The following DCDC2 variants were observed in gnomAD, a reference collection of about 807,000 sequenced individuals.
DCDC2 encodes doublecortin domain containing 2, also known as doublecortin domain-containing protein 2.
Under a neutral mutation model 50.2 loss-of-function variants are expected in DCDC2, and 40 were observed. That is an observed-to-expected ratio of 0.80 (90% CI 0.62 to 1.04). The LOEUF (loss-of-function observed/expected upper bound fraction) is 1.04. DCDC2 is among the 50% of genes least tolerant of loss of function. The pLI, the probability that DCDC2 is intolerant of heterozygous loss-of-function variation, is 0.00. For missense variants in DCDC2, 570 were observed against 581.9 expected (o/e 0.98, Z 0.21); for synonymous variants, 234 against 210.6 (o/e 1.11, Z -0.96).
intron 8 of DCDC2, among the ~76,000 whole-genome samples, chr6:24,183,904 T>C (rs980806643): frequency 1.3e-5 from 2 of 152,226 alleles, no homozygotes; most frequent in African/African-American, 4.8e-5. Context: ...TCTACAACTC[T>C]GTGTCTACAG....
chr6:24,327,478 T>TGA (rs750042668), intron 2 of DCDC2, among the ~76,000 whole-genome samples: 7,650 of 145,418 alleles, frequency 0.053, 604 homozygotes, highest in Non-Finnish European at 0.064. Flanking sequence ...ATTTATTTAT[T>TGA]TATTTATTGG....
chr6:24,372,784 G>T, the DCDC2 span, among the ~76,000 whole-genome samples: 1 of 152,000 alleles, frequency 6.6e-6, no homozygotes, highest in African/African-American at 2.4e-5. Context: ...GGAGAGGGGG[G>T]AGGGATAGCA....
chr6:24,311,541 T>A (rs1253690407), intron 2 of DCDC2, among the ~76,000 whole-genome samples: 1 of 152,216 alleles, frequency 6.6e-6, no homozygotes, highest in African/African-American at 2.4e-5. Context: ...CTTTTCACAA[T>A]ATCATTCTAA....
intron 2 of DCDC2, among the ~76,000 whole-genome samples, chr6:24,316,014 G>A (rs2113848330): frequency 6.6e-6 from 1 of 152,260 alleles, no homozygotes; most frequent in African/African-American, 2.4e-5. Context: ...AGAAGTTTGT[G>A]GCTAGTAAGC....
the DCDC2 span, among the ~76,000 whole-genome samples, chr6:24,367,889 T>G: frequency 6.6e-6 from 1 of 152,168 alleles, no homozygotes; most frequent in African/African-American, 2.4e-5. Context: ...AAAATAATTA[T>G]GTTTACTATA....
intron 2 of DCDC2, among the ~76,000 whole-genome samples, chr6:24,337,412 T>G (rs761644511): frequency 1.3e-5 from 2 of 152,096 alleles, no homozygotes; most frequent in Non-Finnish European, 2.9e-5. Context: ...TAGGGAATAT[T>G]TGCAAAGCCA....
At chr6:24,358,943 A>ATTTTATATT (rs1561788629), upstream of DCDC2, among the ~76,000 whole-genome samples, 2 of 54,278 alleles carry the variant, frequency 3.7e-5, no homozygotes, top group African/African-American at 1.9e-4. Context: ...TATTTTATAT[A>ATTTTATATT]TTATATATTA....
At chr6:24,265,798 C>CA (rs1166623134) in intron 7 of DCDC2, among the ~76,000 whole-genome samples, 1 of 146,218 alleles carries the variant, frequency 6.8e-6, no homozygotes, top group Non-Finnish European at 1.5e-5. Context: ...GTGCCTACAT[C>CA]AAAAAAGTAA....
chr6:24,189,566 A>T (rs1445810979), intron 8 of DCDC2, among the ~76,000 whole-genome samples: 1 of 152,160 alleles, frequency 6.6e-6, no homozygotes. Flanking sequence ...AGTAAATGTG[A>T]TATTTCTTAT....
At chr6:24,176,132 A>G (rs1182595343) in intron 9 of DCDC2, among the ~76,000 whole-genome samples, 2 of 151,930 alleles carry the variant, frequency 1.3e-5, no homozygotes, top group East Asian at 3.9e-4. Flanking sequence ...CTTCCTCCAT[A>G]TTAAAAAATA....
At chr6:24,340,777 G>A (rs1240243986) in intron 2 of DCDC2, among the ~76,000 whole-genome samples, 5 of 152,158 alleles carry the variant, frequency 3.3e-5, no homozygotes, top group African/African-American at 1.2e-4. Context: ...CCAGACTGGA[G>A]TGCAGTGGCA....
At chr6:24,369,299 C>A in the DCDC2 span, among the ~76,000 whole-genome samples, 1 of 151,718 alleles carries the variant, frequency 6.6e-6, no homozygotes, top group African/African-American at 2.4e-5. Context: ...TATAGGGTAA[C>A]CATTGTTTTA....
the DCDC2 span, among the ~76,000 whole-genome samples, chr6:24,382,226 G>A: frequency 1.3e-5 from 2 of 151,942 alleles, no homozygotes; most frequent in Non-Finnish European, 2.9e-5. Flanking sequence ...TAAAATTGTT[G>A]CTCATTTTCT....
chr6:24,242,155 C>A (rs1010920842), intron 7 of DCDC2, among the ~76,000 whole-genome samples: 1 of 152,078 alleles, frequency 6.6e-6, no homozygotes, highest in Non-Finnish European at 1.5e-5. Flanking sequence ...GCCTAGGTGA[C>A]AGAGTAAGAC....
chr6:24,262,191 C>A (rs2113806965), intron 7 of DCDC2, among the ~76,000 whole-genome samples: 1 of 148,944 alleles, frequency 6.7e-6, no homozygotes, highest in South Asian at 2.1e-4. Flanking sequence ...AGGGAGAGCA[C>A]AGTAATTGTG....
At chr6:24,358,729 ATTTTATATATAT>A (rs1293633468), upstream of DCDC2, among the ~76,000 whole-genome samples, 3 of 29,088 alleles carry the variant, frequency 1.0e-4, no homozygotes, top group Non-Finnish European at 1.9e-4. Context: ...TATATATTTT[ATTTTATATATAT>A]TTTATTTATT....
chr6:24,344,881 C>T (rs575494587), intron 2 of DCDC2, among the ~76,000 whole-genome samples: 1 of 152,166 alleles, frequency 6.6e-6, no homozygotes, highest in African/African-American at 2.4e-5. Flanking sequence ...TAAAAGAATG[C>T]TTCTTAAGTA....
At chr6:24,204,452 A>G (rs1486117798) in intron 8 of DCDC2, among the ~76,000 whole-genome samples, 1 of 152,094 alleles carries the variant, frequency 6.6e-6, no homozygotes, top group East Asian at 1.9e-4. Flanking sequence ...ACACATGGAC[A>G]CAGAGAGGTG....
intron 2 of DCDC2, among the ~76,000 whole-genome samples, chr6:24,315,753 A>G (rs1379324007): frequency 2.0e-5 from 3 of 152,168 alleles, no homozygotes; most frequent in Non-Finnish European, 4.4e-5. Context: ...CTCCTACACC[A>G]AAGAAAGAAG....
Sources: gnomAD v4.1 joint callset for allele counts (sites outside exome capture counted in the v4.1 genomes callset) on GRCh38, gnomAD v4.1.1 for gene constraint, MANE v1.5 for transcripts, NCBI Gene and HGNC (gene_info 2026-07-23, HGNC 2026-07-21) for gene names.